GRIN2A: variants seen among roughly 807,000 people sequenced by gnomAD.
GRIN2A encodes the protein glutamate ionotropic receptor NMDA type subunit 2A.
A neutral mutation model predicts 113.4 loss-of-function variants in GRIN2A; 22 were observed. The ratio of observed to expected loss-of-function variants is 0.19; its 90% CI spans 0.14 to 0.28. The LOEUF is 0.28. Ranked by LOEUF, GRIN2A falls within the 10% of genes least tolerant of loss-of-function variation. GRIN2A has a pLI of 1.00. For missense variants in GRIN2A, 1,502 were observed against 1,887.0 expected (o/e 0.80, Z 3.78); for synonymous variants, 827 against 738.4 (o/e 1.12, Z -1.94).
chr16:9,957,587 T>C (rs1391298326), intron 2 of GRIN2A, among the ~76,000 whole-genome samples: 1 of 152,086 alleles, frequency 6.6e-6, no homozygotes, highest in African/African-American at 2.4e-5. Context: ...ATAAAGCAAA[T>C]ATAAAACCTA....
At chr16:10,002,258 G>C (rs1206918431) in intron 2 of GRIN2A, among the ~76,000 whole-genome samples, 1 of 152,194 alleles carries the variant, frequency 6.6e-6, no homozygotes, top group Non-Finnish European at 1.5e-5. Flanking sequence ...TGAACTGATA[G>C]TTCCTCTGAG....
chr16:10,038,033 T>G (rs1257675511), intron 2 of GRIN2A, among the ~76,000 whole-genome samples: 1 of 152,194 alleles, frequency 6.6e-6, no homozygotes, highest in African/African-American at 2.4e-5. Flanking sequence ...TCTGCCTTAG[T>G]CTGTTCAGGC....
chr16:9,867,453 A>C (rs548512462), intron 4 of GRIN2A, among the ~76,000 whole-genome samples: 9 of 152,120 alleles, frequency 5.9e-5, no homozygotes. Flanking sequence ...CTGCCTCTGC[A>C]CACATGTCTT....
At chr16:10,111,690 G>C in intron 2 of GRIN2A, 1 of 1,566,210 alleles carries the variant, frequency 6.4e-7, no homozygotes, top group East Asian at 2.2e-5. Context: ...AGGCCAACGA[G>C]GTGCATAAGG....
In GRIN2A at chr16:9,812,903, A is replaced by G. The variant is rs956763764; in HGVS notation, c.2168+9361T>C. Among the ~76,000 whole-genome samples, 7 of 152,332 alleles carry G rather than the reference A, an allele frequency of 4.6e-5. No homozygotes were observed. In the South Asian group the frequency reaches 1.5e-3, roughly 32 times the overall value. On this transcript the variant is annotated intron_variant, in intron 10 of 12. Coordinates refer to ENST00000330684, the MANE Select transcript of GRIN2A (RefSeq NM_001134407.3). ...AAAGGCTCCACAATTGTGAAAGAAG[A>G]ATCATGCATTAAGCTCTGAATTGTG...
chr16:9,829,347 A>G, intron 9 of GRIN2A, 76 bp downstream of exon 9: 1 of 895,018 alleles, frequency 1.1e-6, no homozygotes, highest in Non-Finnish European at 1.9e-6. Flanking sequence ...AATGAGAGGC[A>G]CCTGAATCTC....
At chr16:10,163,252 G>T (rs1168953676) in intron 2 of GRIN2A, among the ~76,000 whole-genome samples, 1 of 152,194 alleles carries the variant, frequency 6.6e-6, no homozygotes, top group Non-Finnish European at 1.5e-5. Context: ...ATGATAGACA[G>T]CTAGAAAATT....
rs1320602728 is a variant in GRIN2A at position 9,938,562 on chromosome 16, A to C, written c.415-11T>G. ...GGTAGACGTCGGATCCTGCCAGTGA[A>C]AAGAAAGTAAAACAGAGGATGAGGC... On this transcript the variant is annotated splice_polypyrimidine_tract_variant and intron_variant, in intron 2 of 12. Coordinates refer to ENST00000330684, the MANE Select transcript of GRIN2A (RefSeq NM_001134407.3). 2 of 1,592,642 alleles carry C rather than the reference A, an allele frequency of 1.3e-6. No individual in the cohort carries two copies. Among genetic ancestry groups the C allele is most frequent in the Non-Finnish European group, 1.7e-6 (2 of 1,172,686 alleles).
At chr16:10,032,158 T>C (rs2141928448) in intron 2 of GRIN2A, among the ~76,000 whole-genome samples, 1 of 152,384 alleles carries the variant, frequency 6.6e-6, no homozygotes, top group Admixed American at 6.5e-5. Flanking sequence ...CATTTTATGC[T>C]GAGCCTAGCA....
At chr16:10,002,222 CT>C (rs1382180445) in intron 2 of GRIN2A, among the ~76,000 whole-genome samples, 1 of 152,192 alleles carries the variant, frequency 6.6e-6, no homozygotes, top group Non-Finnish European at 1.5e-5. Flanking sequence ...TTCCTTAATG[CT>C]TTAACATCAG....
intron 2 of GRIN2A, among the ~76,000 whole-genome samples, chr16:10,153,991 C>T (rs1247769804): frequency 6.6e-6 from 1 of 152,192 alleles, no homozygotes; most frequent in East Asian, 1.9e-4. Flanking sequence ...GTGCAAAAGT[C>T]CTCATGTCAG....
intron 2 of GRIN2A, among the ~76,000 whole-genome samples, chr16:9,986,792 A>T: frequency 6.6e-6 from 1 of 151,070 alleles, no homozygotes. Flanking sequence ...AAAGAAGAAA[A>T]TGTTTATTTT....
intron 2 of GRIN2A, chr16:10,111,518 C>T: frequency 4.1e-6 from 3 of 729,816 alleles, no homozygotes; most frequent in Non-Finnish European, 7.5e-6. Flanking sequence ...GATTTCATAG[C>T]TGATGAGGTA....
chr16:9,983,746 T>C (rs1013498967), intron 2 of GRIN2A, among the ~76,000 whole-genome samples: 1 of 152,170 alleles, frequency 6.6e-6, no homozygotes, highest in Non-Finnish European at 1.5e-5. Flanking sequence ...GCCAAGATGT[T>C]GTTATTTTAA....
At chr16:10,005,627 T>A (rs1401971373) in intron 2 of GRIN2A, among the ~76,000 whole-genome samples, 1 of 152,188 alleles carries the variant, frequency 6.6e-6, no homozygotes, top group Non-Finnish European at 1.5e-5. Context: ...TCACTGGAGC[T>A]TTTAAATCTT....
intron 10 of GRIN2A, among the ~76,000 whole-genome samples, chr16:9,812,999 C>A (rs17204778): frequency 6.6e-6 from 1 of 152,226 alleles, no homozygotes; most frequent in Admixed American, 6.5e-5. Context: ...CAAAGCGTGC[C>A]TCAAACAGAA....
intron 2 of GRIN2A, among the ~76,000 whole-genome samples, chr16:10,036,721 C>T (rs1053496265): frequency 7.2e-5 from 11 of 151,918 alleles, no homozygotes; most frequent in Non-Finnish European, 1.5e-4. Flanking sequence ...GCTGGGACTA[C>T]AGGCGTGAGC....
intron 2 of GRIN2A, among the ~76,000 whole-genome samples, chr16:10,108,179 A>G (rs983515981): frequency 2.6e-5 from 4 of 152,222 alleles, no homozygotes; most frequent in East Asian, 1.9e-4. Context: ...ACAGTACCAC[A>G]TGGCTGGGAA....
intron 2 of GRIN2A, among the ~76,000 whole-genome samples, chr16:10,044,020 TATAGAG>T (rs1306242239): frequency 1.7e-5 from 2 of 116,896 alleles, no homozygotes; most frequent in African/African-American, 6.9e-5. Flanking sequence ...TATATATATA[TATAGAG>T]AGAGAGAGAG....
Sources: gnomAD v4.1 joint callset for allele counts (sites outside exome capture counted in the v4.1 genomes callset) on GRCh38, gnomAD v4.1.1 for gene constraint, MANE v1.5 for transcripts, NCBI Gene and HGNC (gene_info 2026-07-23, HGNC 2026-07-21) for gene names.